DNAH3: variants seen among roughly 807,000 people sequenced by gnomAD.
The protein encoded by DNAH3 is axonemal beta dynein heavy chain 3.
A neutral mutation model predicts 432.5 loss-of-function variants in DNAH3; 332 were observed. The ratio of observed to expected loss-of-function variants is 0.77; its 90% confidence interval spans 0.70 to 0.84. The LOEUF (loss-of-function observed/expected upper bound fraction) is 0.84, where lower values mean the gene tolerates loss of function less well. DNAH3 is among the 40% of genes least tolerant of loss of function. DNAH3 has a pLI of 0.00. For synonymous variants in DNAH3, 1,956 were observed against 1,900.2 expected (o/e 1.03, Z -0.76); for missense variants, 4,861 against 5,114.0 (o/e 0.95, Z 1.51).
chr16:20,939,294 C>T (rs1016527461), intron 59 of DNAH3, among the ~76,000 whole-genome samples: 19 of 152,184 alleles, frequency 1.2e-4, no homozygotes, highest in African/African-American at 3.1e-4. Context: ...GTCCCTGCTA[C>T]GGCCAACTGC....
chr16:20,983,664 C>G (rs964920268), intron 48 of DNAH3, among the ~76,000 whole-genome samples: 3 of 151,720 alleles, frequency 2.0e-5, no homozygotes, highest in Non-Finnish European at 4.4e-5. Context: ...GTTATTTAGA[C>G]TATGTGTGGT....
chr16:21,123,362 T>C (rs1483834889), intron 9 of DNAH3, among the ~76,000 whole-genome samples: 1 of 152,242 alleles, frequency 6.6e-6, no homozygotes, highest in Non-Finnish European at 1.5e-5. Flanking sequence ...TGACTGATGA[T>C]ATTTGGTGAA....
chr16:20,956,721 T>C (rs2084581475), intron 54 of DNAH3, among the ~76,000 whole-genome samples: 1 of 152,148 alleles, frequency 6.6e-6, no homozygotes, highest in Non-Finnish European at 1.5e-5. Flanking sequence ...TTGTTGTTTG[T>C]TTTTTAATTT....
At chr16:21,098,438 CAAAAAAAAA>C (rs57032212) in intron 17 of DNAH3, among the ~76,000 whole-genome samples, 169 bp downstream of exon 17, 1 of 62,888 alleles carries the variant, frequency 1.6e-5, no homozygotes, top group African/African-American at 5.0e-5. Flanking sequence ...GACCTTGTCT[CAAAAAAAAA>C]AAAAAAAAAA....
intron 59 of DNAH3, among the ~76,000 whole-genome samples, 153 bp downstream of exon 59, chr16:20,941,248 G>C (rs1305939944): frequency 6.6e-6 from 1 of 152,200 alleles, no homozygotes; most frequent in African/African-American, 2.4e-5. Context: ...AGCATGTGCT[G>C]GGGATGGTCC....
At chr16:20,942,754 T>C (rs1277610856) in intron 58 of DNAH3, among the ~76,000 whole-genome samples, 1 of 152,126 alleles carries the variant, frequency 6.6e-6, no homozygotes, top group Admixed American at 6.6e-5. Flanking sequence ...TCTTCATTTG[T>C]AGACTTAGGA....
chr16:21,094,217 A>G (rs1179254227), intron 18 of DNAH3, among the ~76,000 whole-genome samples: 1 of 152,206 alleles, frequency 6.6e-6, no homozygotes, highest in Non-Finnish European at 1.5e-5. Flanking sequence ...CAAACAACCA[A>G]TTAAACAAAT....
intron 1 of DNAH3, among the ~76,000 whole-genome samples, chr16:21,146,696 A>G (rs935749739): frequency 1.3e-5 from 2 of 151,966 alleles, no homozygotes; most frequent in Non-Finnish European, 2.9e-5. Flanking sequence ...AACTTATTCC[A>G]TCTAACTGAA....
chr16:20,987,419 G>A (rs2086251092), exon 47 of DNAH3: 3 of 1,613,938 alleles, frequency 1.9e-6, no homozygotes, highest in Non-Finnish European at 2.5e-6. Flanking sequence ...AAACCTCATG[G>A]ATCCAAAGCC....
chr16:21,122,817 T>G, intron 9 of DNAH3, among the ~76,000 whole-genome samples: 1 of 151,136 alleles, frequency 6.6e-6, no homozygotes, highest in East Asian at 2.0e-4. Context: ...TTTTTTAATT[T>G]ATTTTATTTG....
intron 52 of DNAH3, among the ~76,000 whole-genome samples, chr16:20,968,935 ATCTC>A (rs748492550): frequency 1.3e-5 from 2 of 150,498 alleles, no homozygotes; most frequent in East Asian, 3.9e-4. Flanking sequence ...GTGTCTCTGC[ATCTC>A]TCTGTCTCCA....
At chr16:21,053,390 A>G (rs2090023789) in intron 28 of DNAH3, among the ~76,000 whole-genome samples, 1 of 152,154 alleles carries the variant, frequency 6.6e-6, no homozygotes, top group Admixed American at 6.5e-5. Flanking sequence ...CCAAGAGGAA[A>G]GCGAATTTCA....
At position 21,067,776 on chromosome 16, in the gene DNAH3, G is replaced by GGAGAGAGAGAGAGAGA. The variant is rs60889532; in HGVS notation, c.3382-373_3382-358dup. 7.4e-3 allele frequency among the ~76,000 whole-genome samples: 303 copies of GGAGAGAGAGAGAGAGA among 40,898 alleles called. 29 individuals are homozygous for GGAGAGAGAGAGAGAGA. The highest frequency in any genetic ancestry group is 0.033 in the African/African-American group (270 of 8,090). The allele number at this position is 40,898 out of a possible 152,430, so 26.8% of individuals were successfully genotyped here. Reference sequence around the variant, plus strand: ...CAGTCTTGGGGGGGGGGGTGGGGAGGGAGAGAGAGAGAGAGAGAGAGAGAG... The same window carrying GGAGAGAGAGAGAGAGA: ...CAGTCTTGGGGGGGGGGGTGGGGAGGGAGAGAGAGAGAGAGAGAGAGAGAGAGAGAGAGAGAGAGAG... On this transcript the variant is annotated intron_variant, in intron 23 of 61. Transcript: ENST00000261383.
chr16:21,115,694 G>A (rs950249139), intron 12 of DNAH3, among the ~76,000 whole-genome samples: 6 of 149,268 alleles, frequency 4.0e-5, no homozygotes, highest in East Asian at 1.9e-4. Flanking sequence ...GTGACAGAGC[G>A]AGATGCCATC....
intron 54 of DNAH3, among the ~76,000 whole-genome samples, chr16:20,956,570 G>A (rs1462411872): frequency 2.0e-5 from 3 of 152,178 alleles, no homozygotes; most frequent in Non-Finnish European, 2.9e-5. Context: ...TCATATTACA[G>A]TAGAACTTAA....
intron 41 of DNAH3, among the ~76,000 whole-genome samples, chr16:21,009,378 C>T (rs1031946210): frequency 2.6e-5 from 4 of 152,052 alleles, no homozygotes; most frequent in Non-Finnish European, 5.9e-5. Context: ...AGCAAGGAAA[C>T]GGATTTTTTG....
chr16:20,970,299 G>A (rs1166979862), intron 51 of DNAH3, among the ~76,000 whole-genome samples: 2 of 152,158 alleles, frequency 1.3e-5, no homozygotes, highest in African/African-American at 4.8e-5. Context: ...CCAACGTGGT[G>A]GATCACTTGA....
chr16:21,006,661 T>C (rs2087318791), intron 41 of DNAH3, among the ~76,000 whole-genome samples: 1 of 152,216 alleles, frequency 6.6e-6, no homozygotes, highest in African/African-American at 2.4e-5. Flanking sequence ...CTTTTGCGAC[T>C]GGCTTCTTTC....
intron 36 of DNAH3, among the ~76,000 whole-genome samples, chr16:21,033,312 T>C (rs1055782412): frequency 7.6e-4 from 116 of 152,324 alleles, no homozygotes; most frequent in African/African-American, 2.7e-3. Context: ...GTTTGTGTTT[T>C]ATAAAAACAA....
Sources: gnomAD v4.1 joint callset for allele counts (sites outside exome capture counted in the v4.1 genomes callset) on GRCh38, gnomAD v4.1.1 for gene constraint, MANE v1.5 for transcripts, NCBI Gene and HGNC (gene_info 2026-07-23, HGNC 2026-07-21) for gene names.